The following ADGRL2 variants were observed in gnomAD, a reference collection of about 807,000 sequenced individuals.
ADGRL2 encodes the protein calcium-independent alpha-latrotoxin receptor 2.
A neutral mutation model predicts 157.4 loss-of-function variants in ADGRL2; 44 were observed. That is an observed-to-expected ratio of 0.28 (90% CI 0.22 to 0.36). The LOEUF (loss-of-function observed/expected upper bound fraction) is 0.36. Among genes scored for constraint, ADGRL2 ranks in the 10% least tolerant of loss-of-function variants. The pLI is 1.00. For synonymous variants in ADGRL2, 585 were observed against 624.7 expected (o/e 0.94, Z 0.95); for missense variants, 1,510 against 1,768.9 (o/e 0.85, Z 2.63).
chr1:81,817,419 G>A (rs1246598324), intron 1 of ADGRL2, among the ~76,000 whole-genome samples: 1 of 151,954 alleles, frequency 6.6e-6, no homozygotes, highest in East Asian at 1.9e-4. Context: ...AAGAGATCAT[G>A]AATTTGGTAA....
chr1:81,722,919 A>C, intron 1 of ADGRL2: 3 of 739,768 alleles, frequency 4.1e-6, no homozygotes, highest in Non-Finnish European at 7.4e-6. Flanking sequence ...ATTCTTAGTG[A>C]TCTAGAGGTT....
chr1:81,849,102 T>C (rs753224136), intron 2 of ADGRL2, among the ~76,000 whole-genome samples: 59 of 152,086 alleles, frequency 3.9e-4, no homozygotes, highest in Non-Finnish European at 7.8e-4. Flanking sequence ...CACTGTAGAT[T>C]GTGTGATCTT....
At chr1:81,392,350 T>A (rs2076575595) in intron 1 of ADGRL2, among the ~76,000 whole-genome samples, 1 of 152,118 alleles carries the variant, frequency 6.6e-6, no homozygotes, top group Admixed American at 6.6e-5. Context: ...AATATTTAAG[T>A]TTTATACCTG....
intron 3 of ADGRL2, among the ~76,000 whole-genome samples, chr1:81,593,757 A>G (rs1428553681): frequency 6.6e-6 from 1 of 152,190 alleles, no homozygotes. Context: ...CCTTCTGTAG[A>G]CAAACAGTTA....
At chr1:81,945,639 T>C in intron 6 of ADGRL2, among the ~76,000 whole-genome samples, 1 of 152,112 alleles carries the variant, frequency 6.6e-6, no homozygotes, top group East Asian at 1.9e-4. Context: ...TGAAAAGTCT[T>C]TGATAGTTTA....
chr1:81,636,586 G>T (rs573988884), intron 3 of ADGRL2, among the ~76,000 whole-genome samples: 3 of 151,820 alleles, frequency 2.0e-5, no homozygotes, highest in Non-Finnish European at 4.4e-5. Flanking sequence ...CCATGTTCTC[G>T]GGAGCTTTAA....
chr1:81,812,209 A>G (rs12561982), intron 1 of ADGRL2, among the ~76,000 whole-genome samples: 20,611 of 151,788 alleles, frequency 0.14, 1,588 homozygotes, highest in East Asian at 0.18. Flanking sequence ...CCTTGTTATT[A>G]CCTGCAGAGG....
At chr1:81,379,101 A>T (rs573016137) in intron 1 of ADGRL2, among the ~76,000 whole-genome samples, 1 of 152,146 alleles carries the variant, frequency 6.6e-6, no homozygotes, top group East Asian at 1.9e-4. Flanking sequence ...CTTCCCCACC[A>T]CCAAGCCACC....
chr1:81,360,894 T>C (rs565390231), intron 1 of ADGRL2, among the ~76,000 whole-genome samples: 52 of 152,076 alleles, frequency 3.4e-4, no homozygotes, highest in Non-Finnish European at 6.0e-4. Flanking sequence ...CAAATACATT[T>C]TAATGCATGC....
intron 2 of ADGRL2, among the ~76,000 whole-genome samples, chr1:81,876,332 G>A (rs1286861302): frequency 6.6e-6 from 1 of 152,004 alleles, no homozygotes; most frequent in African/African-American, 2.4e-5. Context: ...TATATACTCT[G>A]TCAGGGAATA....
At chr1:81,855,820 C>T (rs1162190246) in intron 2 of ADGRL2, among the ~76,000 whole-genome samples, 4 of 151,792 alleles carry the variant, frequency 2.6e-5, no homozygotes, top group Non-Finnish European at 5.9e-5. Flanking sequence ...TTGGAGTAAT[C>T]CAAGCAAGAA....
At chr1:81,533,783 C>CCCTCCT (rs2079663583) in intron 2 of ADGRL2, among the ~76,000 whole-genome samples, 1 of 152,244 alleles carries the variant, frequency 6.6e-6, no homozygotes, top group East Asian at 1.9e-4. Flanking sequence ...ATATCCAGCT[C>CCCTCCT]CCTCCTCCCA....
At chr1:81,308,528 G>A (rs61768865) in intron 1 of ADGRL2, among the ~76,000 whole-genome samples, 28,885 of 152,076 alleles carry the variant, frequency 0.19, 2,941 homozygotes, top group Admixed American at 0.26. Context: ...TCTGTCAGCA[G>A]TCAAGCTGAG....
At chr1:81,566,895 C>T (rs2080575362) in intron 2 of ADGRL2, among the ~76,000 whole-genome samples, 1 of 151,916 alleles carries the variant, frequency 6.6e-6, no homozygotes, top group African/African-American at 2.4e-5. Context: ...GGTGTTAAGG[C>T]AATAAAGACA....
intron 2 of ADGRL2, among the ~76,000 whole-genome samples, chr1:81,566,602 A>G (rs190289658): frequency 3.2e-4 from 48 of 152,240 alleles, no homozygotes; most frequent in African/African-American, 9.4e-4. Flanking sequence ...GGCAATATTT[A>G]AGATAATATG....
At chr1:81,593,788 A>G (rs1039759973) in intron 3 of ADGRL2, among the ~76,000 whole-genome samples, 4 of 152,190 alleles carry the variant, frequency 2.6e-5, no homozygotes, top group Admixed American at 6.5e-5. Context: ...TATGCTTCTA[A>G]GCAAAAACCA....
chr1:81,672,763 C>A (rs2082901842), intron 3 of ADGRL2, among the ~76,000 whole-genome samples: 1 of 143,916 alleles, frequency 6.9e-6, no homozygotes, highest in African/African-American at 2.6e-5. Context: ...CTAGATTGCC[C>A]TATTCTATGT....
intron 3 of ADGRL2, among the ~76,000 whole-genome samples, chr1:81,623,825 C>T (rs907638227): frequency 1.3e-5 from 2 of 151,832 alleles, no homozygotes; most frequent in Admixed American, 6.6e-5. Context: ...TTAGTAGAGA[C>T]GGAGTTTCAC....
At chr1:81,684,185 T>G (rs947395526) in intron 3 of ADGRL2, among the ~76,000 whole-genome samples, 4 of 152,216 alleles carry the variant, frequency 2.6e-5, no homozygotes, top group African/African-American at 9.6e-5. Flanking sequence ...TAGTTCTACT[T>G]TCAGTTCTTT....
Sources: gnomAD v4.1 joint callset for allele counts (sites outside exome capture counted in the v4.1 genomes callset) on GRCh38, gnomAD v4.1.1 for gene constraint, MANE v1.5 for transcripts, NCBI Gene and HGNC (gene_info 2026-07-23, HGNC 2026-07-21) for gene names.